CNOT8: variants seen among roughly 807,000 people sequenced by gnomAD.
CNOT8 encodes the protein CAF1-like protein.
Under a neutral mutation model 34.6 loss-of-function variants are expected in CNOT8, and 18 were observed. The ratio of observed to expected loss-of-function variants is 0.52; its 90% CI spans 0.36 to 0.77. The LOEUF is 0.77. Among genes scored for constraint, CNOT8 ranks in the 30% least tolerant of loss-of-function variants. The pLI is 0.00. For synonymous variants in CNOT8, 101 were observed against 118.8 expected, an observed-to-expected ratio of 0.85 and a Z score of 0.98; for missense variants, 189 against 347.9, an observed-to-expected ratio of 0.54 and a Z score of 3.63.
chr5:154,869,915 G>A (rs765891388), intron 3 of CNOT8, among the ~76,000 whole-genome samples: 1 of 152,134 alleles, frequency 6.6e-6, no homozygotes, highest in East Asian at 1.9e-4. Context: ...GAGCCACCAC[G>A]CCTGGCCTAA....
chr5:154,865,359 G>A lies in CNOT8; in HGVS notation c.285G>A (p.Trp95Ter), dbSNP rs771635799. ...AGTATCCTTCTGGAATCAATACTTG[G>A]CAGTTCAATTTCAAATTTAACCTTA... ...KGEYPSGINTWQFNFKFNLTE... is the reference protein window; with the variant it reads ...KGEYPSGINT Residue 95 changes from tryptophan to a stop codon, truncating the protein, a stop_gained, in exon 3 of 7, where the codon TGG (tryptophan) becomes TGA (stop). Transcript: ENST00000285896. LOFTEE classifies it high-confidence loss of function. 1 of 1,583,632 alleles carries A rather than the reference G, an allele frequency of 6.3e-7. No homozygotes were observed. Among genetic ancestry groups the A allele is most frequent in the South Asian group, 1.2e-5 (1 of 85,340 alleles).
At chr5:154,863,532 C>A in intron 2 of CNOT8, 137 bp downstream of exon 2, 1 of 695,012 alleles carries the variant, frequency 1.4e-6, no homozygotes, top group Non-Finnish European at 2.6e-6. Context: ...TGGGCTCAAG[C>A]AGTCCTCCCA....
intron 1 of CNOT8, among the ~76,000 whole-genome samples, chr5:154,860,043 A>G (rs775011694): frequency 1.4e-4 from 22 of 152,206 alleles, no homozygotes; most frequent in Non-Finnish European, 2.6e-4. Context: ...GTTTCTGACT[A>G]CATCCTGGAC....
At chr5:154,868,564 G>A (rs748440108) in intron 3 of CNOT8, among the ~76,000 whole-genome samples, 1 of 152,056 alleles carries the variant, frequency 6.6e-6, no homozygotes, top group African/African-American at 2.4e-5. Context: ...CACCGCACCC[G>A]ACCTATTTAC....
intron 3 of CNOT8, among the ~76,000 whole-genome samples, chr5:154,869,424 GGT>G: frequency 7.7e-6 from 1 of 129,458 alleles, no homozygotes; most frequent in Admixed American, 7.7e-5. Flanking sequence ...CGGCCTTGTT[GGT>G]TTTTTTTTTT....
intron 1 of CNOT8, among the ~76,000 whole-genome samples, chr5:154,862,710 C>T (rs1761468477): frequency 6.6e-6 from 1 of 152,000 alleles, no homozygotes; most frequent in Admixed American, 6.6e-5. Context: ...GGGAAGAATC[C>T]CATGCCAGTA....
chr5:154,863,995 G>A lies in CNOT8; in HGVS notation c.117+600G>A, dbSNP rs897880944. Among the ~76,000 whole-genome samples the A allele has an allele frequency of 5.3e-5, 8 of 152,050 alleles. No homozygotes were observed. The East Asian group carries it at 1.4e-3, about 26-fold the overall frequency. ...CTGGCAATATCTGTTATCCACTCCT[G>A]CCTGACACTGGCTGGAGAGAGAGAT... On this transcript the variant is annotated intron_variant, in intron 2 of 6. Transcript: ENST00000285896.
intron 1 of CNOT8, chr5:154,859,184 A>C (rs1761088139): frequency 1.3e-5 from 2 of 152,254 alleles, no homozygotes; most frequent in African/African-American, 4.8e-5. Flanking sequence ...ACCAAACAAA[A>C]ACAGAAGAAG....
chr5:154,864,412 C>T (rs1415229352), intron 2 of CNOT8, among the ~76,000 whole-genome samples: 6 of 151,662 alleles, frequency 4.0e-5, no homozygotes, highest in Admixed American at 2.0e-4. Flanking sequence ...GAGCCGAGAT[C>T]GTGCCACTGC....
At chr5:154,864,705 A>C (rs1761699621) in intron 2 of CNOT8, among the ~76,000 whole-genome samples, 1 of 152,130 alleles carries the variant, frequency 6.6e-6, no homozygotes, top group Non-Finnish European at 1.5e-5. Context: ...GTTGTTGTGC[A>C]AAGCTTCATG....
intron 2 of CNOT8, among the ~76,000 whole-genome samples, chr5:154,863,658 G>C (rs1399643565): frequency 6.6e-6 from 1 of 152,174 alleles, no homozygotes; most frequent in Non-Finnish European, 1.5e-5. Context: ...AAAAGAATGG[G>C]TATGTTCCAC....
chr5:154,866,139 G>A (rs1264167912), intron 3 of CNOT8, among the ~76,000 whole-genome samples: 2 of 152,074 alleles, frequency 1.3e-5, no homozygotes, highest in East Asian at 3.9e-4. Flanking sequence ...ACTGGGCATC[G>A]GGAGTGTTTC....
At position 154,871,765 on chromosome 5, in the gene CNOT8, C is replaced by T; in HGVS notation, c.509C>T (p.Thr170Ile). Residue 170 changes from threonine (T) to isoleucine (I), a missense_variant, in exon 5 of 7, where the codon ACA becomes ATA. By Grantham distance (89) the Thr-to-Ile change is moderately conservative. Transcript: ENST00000285896. ...TTTGGCTATATGGTAAAGTTGCTTA[C>T]AGATTCTCGTTTGCCAGAAGAGGAA... ...YDFGYMVKLL[T>I]DSRLPEEEHE... 6.2e-7 allele frequency: 1 copy of T among 1,613,970 alleles called. No individual in the cohort carries two copies. The highest frequency in any genetic ancestry group is 8.5e-7 in the Non-Finnish European group (1 of 1,179,940).
At chr5:154,863,775 T>A (rs1761587523) in intron 2 of CNOT8, among the ~76,000 whole-genome samples, 1 of 152,224 alleles carries the variant, frequency 6.6e-6, no homozygotes, top group Admixed American at 6.5e-5. Context: ...TTAGATTTTT[T>A]ATAACATTAT....
intron 2 of CNOT8, 22 bp from the exon 3 acceptor site, chr5:154,865,170 G>A (rs1761749639): frequency 6.5e-7 from 1 of 1,529,012 alleles, no homozygotes; most frequent in Non-Finnish European, 8.8e-7. Context: ...ACCTTGTGAT[G>A]AGAGACTTTT....
At chr5:154,873,577 T>C (rs1011470633) in intron 6 of CNOT8, among the ~76,000 whole-genome samples, 1 of 152,236 alleles carries the variant, frequency 6.6e-6, no homozygotes, top group Non-Finnish European at 1.5e-5. Context: ...ACTCAGGTTT[T>C]AAAATATATT....
intron 4 of CNOT8, among the ~76,000 whole-genome samples, chr5:154,871,284 C>T (rs190597084): frequency 5.0e-4 from 76 of 152,114 alleles, no homozygotes; most frequent in Admixed American, 1.5e-3. Flanking sequence ...ATAGGCCGGG[C>T]GCAGTGGCTC....
chr5:154,872,573 T>A lies in CNOT8; in HGVS notation c.651T>A (p.Asp217Glu). The A allele has an allele frequency of 6.2e-7, 1 of 1,612,942 alleles. No individual in the cohort carries two copies. The highest frequency in any genetic ancestry group is 8.5e-7 in the Non-Finnish European group (1 of 1,179,470). Residue 217 changes from aspartate (D) to glutamate (E), a missense_variant, in exon 6 of 7, where the codon GAT becomes GAA. Asp to Glu is a conservative substitution (Grantham distance 45). Coordinates refer to ENST00000285896, the MANE Select transcript of CNOT8 (RefSeq NM_001301073.2). ...GGLQEVADQL[D>E]LQRIGRQHQA... ...TTCAGGAAGTTGCTGATCAGTTGGA[T>A]TTGCAGAGGATTGGAAGGCAGCACC...
chr5:154,872,488 A>G lies in CNOT8; in HGVS notation c.619-53A>G, dbSNP rs905516678. 4 of 1,187,398 alleles carry G rather than the reference A, an allele frequency of 3.4e-6. No homozygotes were observed. In the Admixed American group the frequency reaches 8.0e-5, roughly 24 times the overall value. The allele number at this position is 1,187,398 out of a possible 1,614,324, so 73.6% of individuals were successfully genotyped here. ...CTCATAACTGCACTTAGTTGGCTCC[A>G]GTAGGGGCATGTTGGGTTTGTAATA... On this transcript the variant is annotated intron_variant, in intron 5 of 6. Coordinates refer to ENST00000285896, the MANE Select transcript of CNOT8 (RefSeq NM_001301073.2).
Sources: allele counts gnomAD v4.1 joint callset (sites outside exome capture counted in the v4.1 genomes callset), GRCh38; gene constraint gnomAD v4.1.1; transcripts MANE v1.5; gene names NCBI Gene and HGNC (gene_info 2026-07-23, HGNC 2026-07-21).